DNASE1L3: variants seen among roughly 807,000 people sequenced by gnomAD.
The protein encoded by DNASE1L3 is deoxyribonuclease 1L3, also known as deoxyribonuclease gamma.
DNASE1L3 carries 27 observed loss-of-function variants against 30.9 expected under a neutral mutation model. That is an observed-to-expected ratio of 0.87 (90% CI 0.64 to 1.20). The LOEUF (loss-of-function observed/expected upper bound fraction) is 1.20, where lower values mean the gene tolerates loss of function less well. DNASE1L3 is among the 50% of genes most tolerant of loss of function. The pLI, the probability that DNASE1L3 is intolerant of heterozygous loss-of-function variation, is 0.00. For synonymous variants in DNASE1L3, 135 were observed against 138.0 expected (o/e 0.98, Z 0.15); for missense variants, 364 against 378.2 (o/e 0.96, Z 0.31).
intron 6 of DNASE1L3, among the ~76,000 whole-genome samples, chr3:58,196,617 A>T (rs1055674778): frequency 2.0e-5 from 3 of 149,948 alleles, no homozygotes; most frequent in Non-Finnish European, 4.4e-5. Context: ...GGTGGCTCTC[A>T]TGCAGATGGC....
At chr3:58,203,991 C>T (rs2097402313) in intron 4 of DNASE1L3, among the ~76,000 whole-genome samples, 1 of 152,098 alleles carries the variant, frequency 6.6e-6, no homozygotes, top group African/African-American at 2.4e-5. Context: ...GGCACTTAAT[C>T]AGGGGCCAGT....
Position 58,196,138 on chromosome 3 carries a change from G to A in DNASE1L3, c.704+1683C>T, listed in dbSNP as rs546839355. ...GAGTGGCCATCGTCCAGGCTTTGCT[G>A]GAAGTCCTTCAAAATAGGGGGTCTG... On this transcript the variant is annotated intron_variant, in intron 6 of 7. Transcript: ENST00000394549. 7.2e-5 allele frequency among the ~76,000 whole-genome samples: 11 copies of A among 152,170 alleles called. No homozygotes were observed. The South Asian group carries it at 1.7e-3, about 23-fold the overall frequency.
Position 58,210,926 on chromosome 3 carries a change from C to T in DNASE1L3, c.-20G>A. 1 of 1,612,836 alleles carries T rather than the reference C, an allele frequency of 6.2e-7. No homozygotes were observed. On this transcript the variant is annotated 5_prime_UTR_variant, in exon 1 of 8. Transcript: ENST00000394549. The stretch of plus-strand genomic sequence containing the variant: ...TGACATCCTGGCGCTGCTCTGGCTT[C>T]AAGACTCTGTGAGAAGACAGCAGTG...
chr3:58,204,190 G>A (rs1279898940), intron 4 of DNASE1L3, among the ~76,000 whole-genome samples: 1 of 150,558 alleles, frequency 6.6e-6, no homozygotes, highest in Non-Finnish European at 1.5e-5. Context: ...GCCCAAGCTG[G>A]AGTGCAGTGG....
rs3772986 is a variant in DNASE1L3, at chr3:58,201,010, C to A, written c.533G>T (p.Arg178Leu). Residue 178 changes from arginine to leucine, a missense_variant, in exon 5 of 8, where the codon CGC becomes CTC. Transcript: ENST00000394549. ...AGCAGTCCTCACCTCCGCCTTCCAGCGGTGTTTCACGTCCGTGTAGACCTC... is the reference window on the plus strand; with the variant it reads ...AGCAGTCCTCACCTCCGCCTTCCAGAGGTGTTTCACGTCCGTGTAGACCTC... ...LVEVYTDVKH[R>L]WKAENFIFMG... 8 of 1,611,772 alleles carry A rather than the reference C, an allele frequency of 5.0e-6. No homozygotes were observed. Among genetic ancestry groups the A allele is most frequent in the Non-Finnish European group, 6.8e-6 (8 of 1,178,700 alleles).
Position 58,204,754 on chromosome 3 carries a change from C to T in DNASE1L3, c.433+15G>A, listed in dbSNP as rs376623875. ...TTGGGGAGGTCCCAGACAGAAAGGCCTGTGTGGGTCTTACCAGTGTGGGGA... is the reference window on the plus strand; with the variant it reads ...TTGGGGAGGTCCCAGACAGAAAGGCTTGTGTGGGTCTTACCAGTGTGGGGA... On this transcript the variant is annotated intron_variant, in intron 4 of 7. Transcript: ENST00000394549. The T allele has an allele frequency of 1.4e-4, 228 of 1,612,306 alleles. 4 individuals carry two copies. Among genetic ancestry groups the T allele is most frequent in the South Asian group, 1.3e-3 (122 of 90,926 alleles).
chr3:58,208,487 G>A (rs949175017), intron 1 of DNASE1L3, among the ~76,000 whole-genome samples, 181 bp from the exon 2 acceptor site: 2 of 152,180 alleles, frequency 1.3e-5, no homozygotes, highest in African/African-American at 4.8e-5. Flanking sequence ...ATTTTAAAGA[G>A]GAGCGTGAGA....
At chr3:58,204,645 GTAT>G in intron 4 of DNASE1L3, 121 bp downstream of exon 4, 1 of 730,146 alleles carries the variant, frequency 1.4e-6, no homozygotes, top group African/African-American at 1.8e-5. Context: ...CTACATTGAA[GTAT>G]TAGAAGCAAT....
intron 2 of DNASE1L3, 87 bp from the exon 3 acceptor site, chr3:58,205,647 C>A (rs111997784): frequency 7.2e-6 from 8 of 1,111,254 alleles, no homozygotes; most frequent in Non-Finnish European, 1.1e-5. Context: ...TGCCTCCATA[C>A]GCCCAATGGC....
rs2097399923 is a variant in DNASE1L3, at chr3:58,200,443, C to G, written c.546+554G>C. Among the ~76,000 whole-genome samples, 1 of 152,148 alleles carries G rather than the reference C, an allele frequency of 6.6e-6. No homozygotes were observed. Among genetic ancestry groups the G allele is most frequent in the Non-Finnish European group, 1.5e-5 (1 of 68,026 alleles). ...GGAGCCACACAGAGGAAAGGGCAACCAGGAGATAGAAAGGAAGAGACAAAT... is the reference window on the plus strand; with the variant it reads ...GGAGCCACACAGAGGAAAGGGCAACGAGGAGATAGAAAGGAAGAGACAAAT... On this transcript the variant is annotated intron_variant, in intron 5 of 7. Coordinates refer to ENST00000394549, the MANE Select transcript of DNASE1L3 (RefSeq NM_004944.4). The surrounding 1 kb of genome is among the most constrained non-coding windows in gnomAD (Gnocchi z 4.2).
rs757664587 is a variant in DNASE1L3 at position 58,205,530 on chromosome 3, A to G, written c.261T>C (p.Tyr87=). ...RNSRRGITYN[Y]VISSRLGRNT... is the part of the protein sequence containing the mutation. Reference sequence around the variant, plus strand: ...TTCTTCCAAGCCGAGAGCTAATCACATAGTTGTACGTTATGCCTCTCCTTG... The same window carrying G: ...TTCTTCCAAGCCGAGAGCTAATCACGTAGTTGTACGTTATGCCTCTCCTTG... The change falls in exon 3 of 8, where the codon TAT becomes TAC. Residue 87 remains tyrosine, a synonymous_variant. Coordinates refer to ENST00000394549, the MANE Select transcript of DNASE1L3 (RefSeq NM_004944.4). The G allele has an allele frequency of 1.1e-5, 18 of 1,614,020 alleles. No individual in the cohort carries two copies. Among genetic ancestry groups the G allele is most frequent in the Admixed American group, 1.0e-4 (6 of 60,016 alleles).
intron 7 of DNASE1L3, 142 bp downstream of exon 7, chr3:58,193,201 C>T: frequency 1.4e-6 from 2 of 1,436,516 alleles, no homozygotes; most frequent in Non-Finnish European, 1.9e-6. Context: ...CTCAGCCTCC[C>T]AAGTAGCTGG....
rs751811685 is a variant in DNASE1L3 at position 58,207,441 on chromosome 3, A to AC, written c.230+776dup. 5.6e-4 allele frequency among the ~76,000 whole-genome samples: 19 copies of AC among 33,816 alleles called. 1 individual carries two copies. The highest frequency in any genetic ancestry group is 7.3e-4 in the Non-Finnish European group (14 of 19,182). The allele number at this position is 33,816 out of a possible 152,430, so 22.2% of individuals were successfully genotyped here. A position where few individuals can be genotyped will look rare whatever the true frequency, so the allele number is the denominator to read the frequency against. On this transcript the variant is annotated intron_variant, in intron 2 of 7. Transcript: ENST00000394549. ...CCTTTCACCACAGCTCTCTGATCAC[A>AC]CCCCCCCCCCCCCCACCAGAAGTAA...
At position 58,210,812 on chromosome 3, in the gene DNASE1L3, C is replaced by T; in HGVS notation, c.95G>A (p.Gly32Glu). Residue 32 changes from glycine to glutamate, a missense_variant, in exon 1 of 8, where the codon GGG (glycine) becomes GAG (glutamate). Gly to Glu is a moderately conservative substitution (Grantham distance 98). Transcript: ENST00000394549. ...RICSFNVRSF[G>E]ESKQEDKNAM... ...ATTCTTGTCTTCCTGCTTGCTTTCC[C>T]CAAAGGACCTGACGTTGAAGGAGCA... 1 of 1,614,142 alleles carries T rather than the reference C, an allele frequency of 6.2e-7. No individual in the cohort carries two copies. The highest frequency in any genetic ancestry group is 1.1e-5 in the South Asian group (1 of 91,072).
intron 5 of DNASE1L3, among the ~76,000 whole-genome samples, chr3:58,198,437 T>C (rs1304243866): frequency 1.3e-5 from 2 of 152,250 alleles, no homozygotes; most frequent in Non-Finnish European, 2.9e-5. Flanking sequence ...CACTTTCTAT[T>C]GTTTAAACTT....
Position 58,192,521 on chromosome 3 carries a change from A to G in DNASE1L3, c.*166T>C. On this transcript the variant is annotated 3_prime_UTR_variant, in exon 8 of 8. Coordinates refer to ENST00000394549, the MANE Select transcript of DNASE1L3 (RefSeq NM_004944.4). The surrounding 1 kb of genome is among the most constrained non-coding windows in gnomAD (Gnocchi z 4.8). ...CAGGGGAGGTATGAGACCAAGAGAGATACAAAAGATTCTCCTTCCAATTTG... is the reference window on the plus strand; with the variant it reads ...CAGGGGAGGTATGAGACCAAGAGAGGTACAAAAGATTCTCCTTCCAATTTG... 1.5e-6 allele frequency: 1 copy of G among 688,680 alleles called. No individual in the cohort carries two copies. Among genetic ancestry groups the G allele is most frequent in the Non-Finnish European group, 2.4e-6 (1 of 423,098 alleles). 42.7% of individuals were successfully genotyped at this position (688,680 alleles called of 1,614,324 possible).
chr3:58,201,102 T>A lies in DNASE1L3; in HGVS notation c.441A>T (p.Lys147Asn). ...TGTGCAGGGGGATAATCACGAAGTC[T>A]TTGACAGCTGAGAAACAGGAAAGAG... ...VWFQSPHTAV[K>N]DFVIIPLHTT... Residue 147 changes from lysine (K) to asparagine (N), a missense_variant, in exon 5 of 8, where the codon AAA (lysine) becomes AAT (asparagine). By Grantham distance (94) the Lys-to-Asn change is moderately conservative (BLOSUM62 0). Coordinates refer to ENST00000394549, the MANE Select transcript of DNASE1L3 (RefSeq NM_004944.4). 1 of 1,606,458 alleles carries A rather than the reference T, an allele frequency of 6.2e-7. No homozygotes were observed. The highest frequency in any genetic ancestry group is 8.5e-7 in the Non-Finnish European group (1 of 1,175,228).
chr3:58,198,111 C>G lies in DNASE1L3; in HGVS notation c.547-133G>C. On this transcript the variant is annotated intron_variant, in intron 5 of 7. Transcript: ENST00000394549. ...CTGTTATGGGCTGAATCTTGTCTAC[C>G]CCCTGCTCCCGCCCCGGCCAAATTC... is the stretch of plus-strand genomic sequence containing the variant. 2 of 1,040,268 alleles carry G rather than the reference C, an allele frequency of 1.9e-6. 1 individual carries two copies. Among genetic ancestry groups the G allele is most frequent in the South Asian group, 3.4e-5 (2 of 58,930 alleles). The allele number at this position is 1,040,268 out of a possible 1,614,324, so 64.4% of individuals were successfully genotyped here. A position where few individuals can be genotyped will look rare whatever the true frequency, so the allele number is the denominator to read the frequency against.
chr3:58,202,428 G>T (rs2097401359), intron 4 of DNASE1L3, among the ~76,000 whole-genome samples: 1 of 145,834 alleles, frequency 6.9e-6, no homozygotes, highest in South Asian at 2.2e-4. Flanking sequence ...CTCCCAAAGT[G>T]CTGGGATTAC....
Sources: gnomAD v4.1 joint callset for allele counts (sites outside exome capture counted in the v4.1 genomes callset) on GRCh38, gnomAD v4.1.1 for gene constraint, Gnocchi (gnomAD v3.1) non-coding constraint, MANE v1.5 for transcripts, NCBI Gene and HGNC (gene_info 2026-07-23, HGNC 2026-07-21) for gene names.